The following UBR1 variants were observed in gnomAD, a reference collection of about 807,000 sequenced individuals.
The protein encoded by UBR1 is E3 ubiquitin-protein ligase UBR1.
A neutral mutation model predicts 242.1 loss-of-function variants in UBR1; 102 were observed. The observed-to-expected ratio is 0.42, with a 90% CI of 0.36 to 0.50. UBR1 has a LOEUF of 0.50. UBR1 is among the 20% of genes least tolerant of loss of function. The pLI is 0.01. For synonymous variants in UBR1, 675 were observed against 684.8 expected (o/e 0.99, Z 0.22); for missense variants, 1,772 against 2,101.8 (o/e 0.84, Z 3.07).
rs201185836 is a variant in UBR1, at chr15:43,071,294, A to C, written c.529-369T>G. Reference sequence around the variant, plus strand: ...TCACAGCTTGTTTCCCCAGATCCTCATGGCTCTCTCTAAGACAGAACAGGT... The same window carrying C: ...TCACAGCTTGTTTCCCCAGATCCTCCTGGCTCTCTCTAAGACAGAACAGGT... On this transcript the variant is annotated intron_variant, in intron 4 of 46. Coordinates refer to ENST00000290650, the MANE Select transcript of UBR1 (RefSeq NM_174916.3). 1.4e-4 allele frequency among the ~76,000 whole-genome samples: 21 copies of C among 152,334 alleles called. No individual in the cohort carries two copies. In the East Asian group the frequency reaches 3.5e-3, roughly 25 times the overall value.
At position 43,043,286 on chromosome 15, in the gene UBR1, A is replaced by T; in HGVS notation, c.1778T>A (p.Leu593Ter). 1 of 1,614,154 alleles carries T rather than the reference A, an allele frequency of 6.2e-7. No homozygotes were observed. Among genetic ancestry groups the T allele is most frequent in the Admixed American group, 1.7e-5 (1 of 60,018 alleles). ...KTVVQSCGHS[L>*]ETKSYRVSED... Reference sequence around the variant, plus strand: ...AGATACTCTGTAGGACTTTGTTTCCAAACTATGTCCACACGATTGTACTAC... The same window carrying T: ...AGATACTCTGTAGGACTTTGTTTCCTAACTATGTCCACACGATTGTACTAC... The change falls in exon 15 of 47, where the codon TTG (leucine) becomes TAG (stop). Residue 593 changes from leucine to a stop codon, truncating the protein, a stop_gained. Coordinates refer to ENST00000290650, the MANE Select transcript of UBR1 (RefSeq NM_174916.3). LOFTEE classifies it high-confidence loss of function.
In UBR1 at chr15:42,989,193, C is replaced by T. The variant is rs28494835; in HGVS notation, c.3849-226G>A. ...GTAGAGAAACAGCTCTTATAAAATG[C>T]TAATGACCTACATAACTTCACTTCC... On this transcript the variant is annotated intron_variant, in intron 34 of 46. Coordinates refer to ENST00000290650, the MANE Select transcript of UBR1 (RefSeq NM_174916.3). Among the ~76,000 whole-genome samples, 36,900 of 152,152 alleles carry T rather than the reference C, an allele frequency of 0.24. 5,364 individuals are homozygous for T. The highest frequency in any genetic ancestry group is 0.4 in the African/African-American group (16,742 of 41,504).
chr15:43,019,851 G>A (rs796330678), intron 27 of UBR1, among the ~76,000 whole-genome samples: 10 of 149,368 alleles, frequency 6.7e-5, no homozygotes, highest in East Asian at 2.0e-4. Flanking sequence ...TGATCCACCC[G>A]CCTCCGCCTC....
At chr15:43,041,743 G>A (rs2033420832) in intron 15 of UBR1, among the ~76,000 whole-genome samples, 1 of 152,168 alleles carries the variant, frequency 6.6e-6, no homozygotes. Context: ...GGGTAAAAAG[G>A]CAACCCACAG....
At chr15:43,018,044 C>A (rs983154918) in intron 27 of UBR1, among the ~76,000 whole-genome samples, 6 of 151,220 alleles carry the variant, frequency 4.0e-5, no homozygotes, top group Non-Finnish European at 8.8e-5. Flanking sequence ...GCTCTGTCGC[C>A]CAGGCTTGAG....
intron 35 of UBR1, 120 bp downstream of exon 35, chr15:42,988,699 C>T (rs1877376041): frequency 1.5e-6 from 2 of 1,341,204 alleles, no homozygotes; most frequent in East Asian, 2.3e-5. Context: ...CACTGAAATA[C>T]TAATAGTCCT....
chr15:43,058,484 C>G (rs2033644682), intron 9 of UBR1, 55 bp from the exon 10 acceptor site: 1 of 1,265,444 alleles, frequency 7.9e-7, no homozygotes, highest in Admixed American at 1.8e-5. Flanking sequence ...AAGGCAAAAA[C>G]CAAAAACATT....
intron 40 of UBR1, among the ~76,000 whole-genome samples, chr15:42,966,989 G>C (rs1325395008): frequency 2.0e-5 from 3 of 151,756 alleles, no homozygotes; most frequent in Non-Finnish European, 2.9e-5. Context: ...CTGCGATCTG[G>C]GCTCACTGCA....
intron 1 of UBR1, among the ~76,000 whole-genome samples, chr15:43,101,927 C>T (rs1012842127): frequency 5.0e-5 from 7 of 139,208 alleles, no homozygotes; most frequent in African/African-American, 1.9e-4. Context: ...GAGATCTCGC[C>T]ACGCACTCCA....
At position 42,950,247 on chromosome 15, in the gene UBR1, T is replaced by C; in HGVS notation, c.5108+15A>G. ...AACTTACTGAAACCTTCCTATTATA[T>C]AAAAAAAATCTTACTTCAGGCCAGG... On this transcript the variant is annotated intron_variant, in intron 46 of 46. Transcript: ENST00000290650. The C allele has an allele frequency of 6.2e-7, 1 of 1,606,314 alleles. No homozygotes were observed. Among genetic ancestry groups the C allele is most frequent in the South Asian group, 1.1e-5 (1 of 90,904 alleles).
At chr15:42,953,067 T>G (rs1298259304) in intron 44 of UBR1, among the ~76,000 whole-genome samples, 2 of 151,732 alleles carry the variant, frequency 1.3e-5, no homozygotes, top group Non-Finnish European at 2.9e-5. Context: ...GGGACTGAAA[T>G]GAGAGATTGT....
chr15:42,991,674 C>T (rs1196196280), intron 33 of UBR1, among the ~76,000 whole-genome samples: 1 of 151,844 alleles, frequency 6.6e-6, no homozygotes, highest in Non-Finnish European at 1.5e-5. Context: ...TCTGTCTGTT[C>T]TCCAGACTGA....
At position 42,970,586 on chromosome 15, in the gene UBR1, T is replaced by C; in HGVS notation, c.4391A>G (p.Gln1464Arg). ...GGAATGAGCCTCTTCACTGTCTTCT[T>C]GAACCTGAGCAAGGGGTAGGCCTGA... The part of the protein sequence containing the change: ...VDTGLPLAQV[Q>R]EDSEEAHSAS... The change falls in exon 40 of 47, where the codon CAA becomes CGA. Residue 1464 changes from glutamine to arginine, a missense_variant. Physicochemically the swap from Gln to Arg is conservative, Grantham distance 43 (BLOSUM62 1). This residue lies in a region of UBR1 where 965 missense variants were observed against 1,079.7 expected (regional missense o/e 0.89). Transcript: ENST00000290650. 1 of 1,613,850 alleles carries C rather than the reference T, an allele frequency of 6.2e-7. No homozygotes were observed. Among genetic ancestry groups the C allele is most frequent in the Non-Finnish European group, 8.5e-7 (1 of 1,180,010 alleles).
intron 45 of UBR1, chr15:42,950,688 C>T: frequency 8.8e-6 from 3 of 342,204 alleles, no homozygotes; most frequent in South Asian, 8.4e-5. Context: ...TGTTTCTATT[C>T]TAATTCCTGA....
intron 30 of UBR1, 70 bp downstream of exon 30, chr15:43,007,009 A>G (rs890278572): frequency 8.8e-6 from 13 of 1,470,592 alleles, no homozygotes; most frequent in Non-Finnish European, 1.2e-5. Context: ...TGTTTTTCAA[A>G]TAGTATTTTC....
intron 32 of UBR1, among the ~76,000 whole-genome samples, chr15:43,001,474 C>T (rs565217354): frequency 8.5e-5 from 13 of 152,348 alleles, no homozygotes; most frequent in African/African-American, 2.9e-4. Flanking sequence ...TGACCCTTCT[C>T]GCCCAACCTA....
chr15:43,022,809 A>G lies in UBR1; in HGVS notation c.2740-8T>C. ...TGCCAGAATATGAAAAGCCTGAAGG[A>G]GGAAAATAAGAGATCTTTAAAATTG... On this transcript the variant is annotated splice_region_variant and splice_polypyrimidine_tract_variant and intron_variant, in intron 25 of 46. Transcript: ENST00000290650. 1 of 1,579,526 alleles carries G rather than the reference A, an allele frequency of 6.3e-7. No individual in the cohort carries two copies. The highest frequency in any genetic ancestry group is 8.7e-7 in the Non-Finnish European group (1 of 1,150,370).
chr15:43,058,741 T>C (rs918491338), intron 9 of UBR1, among the ~76,000 whole-genome samples: 1 of 152,214 alleles, frequency 6.6e-6, no homozygotes, highest in African/African-American at 2.4e-5. Context: ...TTACGTTTTG[T>C]TCTTCATTTA....
At chr15:43,035,419 T>C (rs1305571037) in intron 19 of UBR1, among the ~76,000 whole-genome samples, 1 of 152,230 alleles carries the variant, frequency 6.6e-6, no homozygotes. Context: ...TGGCTAAATA[T>C]GTCTTCTTTT....
Sources: gnomAD v4.1 joint callset for allele counts (sites outside exome capture counted in the v4.1 genomes callset) on GRCh38, gnomAD v4.1.1 for gene constraint, gnomAD v4.1.1 regional missense constraint, MANE v1.5 for transcripts, NCBI Gene and HGNC (gene_info 2026-07-23, HGNC 2026-07-21) for gene names.